Variants in ZDHHC3 observed in about 807,000 individuals in gnomAD.
ZDHHC3 encodes zDHHC palmitoyltransferase 3.
A neutral mutation model predicts 30.6 loss-of-function variants in ZDHHC3; 9 were observed. The observed-to-expected ratio is 0.29, with a 90% CI of 0.18 to 0.51. The LOEUF (loss-of-function observed/expected upper bound fraction) is 0.51, where lower values mean the gene tolerates loss of function less well. ZDHHC3 is among the 20% of genes least tolerant of loss of function. The pLI is 0.97. For synonymous variants in ZDHHC3, 136 were observed against 140.2 expected (o/e 0.97, Z 0.21); for missense variants, 246 against 384.2 (o/e 0.64, Z 3.01).
rs982918534 is a variant in ZDHHC3 at position 44,925,475 on chromosome 3, T to C, written c.*1214A>G. ...CTACCTCCTTCACCTCTATCCACCA[T>C]CACCACCTCCTTCAAACAAGACTGA... On this transcript the variant is annotated 3_prime_UTR_variant, in exon 7 of 7. Transcript: ENST00000424952. The C allele has an allele frequency of 5.2e-5, 51 of 985,348 alleles. No individual in the cohort carries two copies. The highest frequency in any genetic ancestry group is 1.7e-5 in the Non-Finnish European group (14 of 829,946). The allele number at this position is 985,348 out of a possible 1,614,324, so 61.0% of individuals were successfully genotyped here.
chr3:44,957,026 C>T (rs1464700010), intron 2 of ZDHHC3, among the ~76,000 whole-genome samples: 1 of 152,116 alleles, frequency 6.6e-6, no homozygotes, highest in Non-Finnish European at 1.5e-5. Context: ...GTCTCTGGGC[C>T]TTTGAATCTA....
intron 2 of ZDHHC3, among the ~76,000 whole-genome samples, chr3:44,956,588 G>C (rs1051166823): frequency 6.6e-6 from 1 of 152,284 alleles, no homozygotes; most frequent in Non-Finnish European, 1.5e-5. Flanking sequence ...GTAGTCTCTG[G>C]GGGTGAGGCC....
chr3:44,925,193 A>G lies in ZDHHC3; in HGVS notation c.*1496T>C. On this transcript the variant is annotated 3_prime_UTR_variant, in exon 7 of 7. Coordinates refer to ENST00000424952, the MANE Select transcript of ZDHHC3 (RefSeq NM_001135179.2). ...ACAGGTTTTGGAAAAATTTTATTGC[A>G]TTTTGTTTCCATGTGGAAGCACTGA... is the stretch of plus-strand genomic sequence containing the variant. 1.0e-6 allele frequency: 1 copy of G among 985,876 alleles called. No individual in the cohort carries two copies. The highest frequency in any genetic ancestry group is 1.2e-6 in the Non-Finnish European group (1 of 829,928). 61.1% of individuals were successfully genotyped at this position (985,876 alleles called of 1,614,324 possible).
chr3:44,929,783 C>G (rs1320422275), intron 5 of ZDHHC3, among the ~76,000 whole-genome samples: 4 of 152,202 alleles, frequency 2.6e-5, no homozygotes, highest in African/African-American at 9.7e-5. Flanking sequence ...GACGACACCA[C>G]AGGGGACCCT....
At chr3:44,927,884 C>T (rs1025592336) in intron 6 of ZDHHC3, among the ~76,000 whole-genome samples, 1 of 152,196 alleles carries the variant, frequency 6.6e-6, no homozygotes, top group African/African-American at 2.4e-5. Flanking sequence ...AGCCTAGGGA[C>T]CTGGGAAGGG....
At chr3:44,969,331 T>C (rs148369156) in intron 1 of ZDHHC3, among the ~76,000 whole-genome samples, 1 of 152,210 alleles carries the variant, frequency 6.6e-6, no homozygotes, top group East Asian at 1.9e-4. Context: ...ACTGGGCTGC[T>C]TGCTACACAT....
chr3:44,918,092 A>G lies in ZDHHC3; in HGVS notation c.*8597T>C. The G allele has an allele frequency of 7.7e-7, 1 of 1,305,404 alleles. No homozygotes were observed. Among genetic ancestry groups the G allele is most frequent in the South Asian group, 1.2e-5 (1 of 81,026 alleles). The allele number at this position is 1,305,404 out of a possible 1,614,324, so 80.9% of individuals were successfully genotyped here. ...CCAAAGGTCTCCTTTACTGACTGCC[A>G]GCTCCCCATGTGCTCCCTGGGCTGG... is the stretch of plus-strand genomic sequence containing the variant. On this transcript the variant is annotated 3_prime_UTR_variant, in exon 7 of 7. Transcript: ENST00000424952.
At chr3:44,946,465 G>A (rs1702942611) in intron 2 of ZDHHC3, among the ~76,000 whole-genome samples, 1 of 152,168 alleles carries the variant, frequency 6.6e-6, no homozygotes, top group Non-Finnish European at 1.5e-5. Flanking sequence ...TCACTGCTAT[G>A]GACTCAGGAA....
At position 44,959,419 on chromosome 3, in the gene ZDHHC3, G is replaced by A. The variant is rs1330129982; in HGVS notation, c.18C>T (p.Thr6=). The stretch of plus-strand genomic sequence containing the variant: ...TCCGCTCAATGTTTCGGAAGTGGTG[G>A]GTGGGGATAAGCATCATAAGCTATT... The part of the protein sequence containing the change: MMLIP[T]HHFRNIERKP... Residue 6 remains threonine, a synonymous_variant, in exon 2 of 7, where the codon ACC becomes ACT. Transcript: ENST00000424952. The surrounding 1 kb of genome is among the most constrained non-coding windows in gnomAD (Gnocchi z 4.3). The A allele has an allele frequency of 5.0e-6, 8 of 1,614,032 alleles. No homozygotes were observed. The highest frequency in any genetic ancestry group is 3.3e-5 in the Admixed American group (2 of 60,034).
chr3:44,930,345 C>A (rs753398416), intron 5 of ZDHHC3, among the ~76,000 whole-genome samples: 2 of 152,188 alleles, frequency 1.3e-5, no homozygotes, highest in Non-Finnish European at 2.9e-5. Flanking sequence ...AGCAAGGTGG[C>A]CTGGGAAATG....
intron 1 of ZDHHC3, chr3:44,969,824 T>C (rs1243401088): frequency 1.3e-5 from 2 of 152,218 alleles, no homozygotes; most frequent in South Asian, 2.1e-4. Flanking sequence ...TCACCTAGGA[T>C]TGAATCCCTA....
intron 1 of ZDHHC3, among the ~76,000 whole-genome samples, chr3:44,960,747 G>A (rs189109081): frequency 2.0e-5 from 3 of 152,282 alleles, no homozygotes; most frequent in Non-Finnish European, 4.4e-5. Context: ...CAACTACACA[G>A]CAGAAGAAAT....
intron 5 of ZDHHC3, 64 bp downstream of exon 5, chr3:44,933,054 C>T: frequency 1.2e-6 from 2 of 1,612,430 alleles, no homozygotes; most frequent in Non-Finnish European, 1.7e-6. Context: ...AAGAGCCTCC[C>T]CGCCCCCCAC....
chr3:44,935,609 C>A (rs1330655740), intron 3 of ZDHHC3, among the ~76,000 whole-genome samples: 2 of 152,164 alleles, frequency 1.3e-5, no homozygotes, highest in Non-Finnish European at 2.9e-5. Context: ...TAGACTGATG[C>A]CAAGTAGCCA....
chr3:44,929,030 T>C (rs993521280), intron 6 of ZDHHC3, among the ~76,000 whole-genome samples: 1 of 152,052 alleles, frequency 6.6e-6, no homozygotes, highest in Non-Finnish European at 1.5e-5. Flanking sequence ...AGACCTGCCA[T>C]GGGGGGGATG....
Position 44,921,272 on chromosome 3 carries a change from G to A in ZDHHC3, c.*5417C>T. The A allele has an allele frequency of 1.0e-6, 1 of 985,420 alleles. No homozygotes were observed. The highest frequency in any genetic ancestry group is 1.2e-6 in the Non-Finnish European group (1 of 829,932). The allele number at this position is 985,420 out of a possible 1,614,324, so 61.0% of individuals were successfully genotyped here. A position where few individuals can be genotyped will look rare whatever the true frequency, so the allele number is the denominator to read the frequency against. On this transcript the variant is annotated 3_prime_UTR_variant, in exon 7 of 7. Transcript: ENST00000424952. The stretch of plus-strand genomic sequence containing the variant: ...AGAACAGACTCAGCTGAGCCCCACA[G>A]AACGAGAACAGGCTGTTCCCTGCTC...
Position 44,933,130 on chromosome 3 carries a change from C to A in ZDHHC3, c.598G>T (p.Glu200Ter). 1 of 1,614,202 alleles carries A rather than the reference C, an allele frequency of 6.2e-7. No homozygotes were observed. Among genetic ancestry groups the A allele is most frequent in the East Asian group, 2.2e-5 (1 of 44,890 alleles). The change falls in exon 5 of 7, where the codon GAA (glutamate) becomes TAA (stop). Residue 200 changes from glutamate to a stop codon, truncating the protein, a stop_gained. Transcript: ENST00000424952. LOFTEE classifies it high-confidence loss of function. ...AGCACATACTCACTTGTCCAATCTT[C>A]TTCAAAGCAATGCAGGAAGTGGAAT... ...VGFHFLHCFE[E>*]DWTKCSSFSP...
intron 2 of ZDHHC3, 52 bp from the exon 3 acceptor site, chr3:44,945,344 T>C (rs3749189): frequency 0.2 from 316,594 of 1,611,642 alleles, 31,933 homozygotes; most frequent in African/African-American, 0.29. Context: ...CTATCAGCTC[T>C]AACATTCTAC....
rs1346476121 is a variant in ZDHHC3, at chr3:44,932,815, C to CATT, written c.610+300_610+302dup. On this transcript the variant is annotated intron_variant, in intron 5 of 6. Transcript: ENST00000424952. ...CTTCTCTCCCAGCATGGCTCCCACG[C>CATT]ATTGGAACCGGCCTCTGTGCTTGCT... 5 of 1,194,822 alleles carry CATT rather than the reference C, an allele frequency of 4.2e-6. No homozygotes were observed. The African/African-American group carries it at 6.0e-5, about 14-fold the overall frequency. The allele number at this position is 1,194,822 out of a possible 1,614,324, so 74.0% of individuals were successfully genotyped here.
Sources: allele counts gnomAD v4.1 joint callset (sites outside exome capture counted in the v4.1 genomes callset), GRCh38; gene constraint gnomAD v4.1.1; non-coding constraint Gnocchi (gnomAD v3.1); transcripts MANE v1.5; gene names NCBI Gene and HGNC (gene_info 2026-07-23, HGNC 2026-07-21).